XRCC6: variants seen among roughly 807,000 people sequenced by gnomAD.
XRCC6 encodes the protein X-ray repair cross complementing 6, also known as DNA repair protein Ku70.
XRCC6 carries 5 observed loss-of-function variants against 65.7 expected under a neutral mutation model. The ratio of observed to expected loss-of-function variants is 0.08; its 90% CI spans 0.04 to 0.16. The LOEUF is 0.16. XRCC6 is among the 10% of genes least tolerant of loss of function. The pLI is 1.00. For synonymous variants in XRCC6, 270 were observed against 270.6 expected (o/e 1.00, Z 0.02); for missense variants, 447 against 738.1 (o/e 0.61, Z 4.57).
intron 11 of XRCC6, 131 bp downstream of exon 11, chr22:41,658,483 T>A (rs2147115951): frequency 1.2e-6 from 1 of 846,736 alleles, no homozygotes; most frequent in Non-Finnish European, 1.9e-6. Context: ...CCCCTCTGTT[T>A]GGAAGCTTTT....
intron 2 of XRCC6, among the ~76,000 whole-genome samples, chr22:41,624,127 G>A (rs550905858): frequency 6.6e-6 from 1 of 151,918 alleles, no homozygotes; most frequent in Non-Finnish European, 1.5e-5. Context: ...GCTCACGCCT[G>A]TAATCCCAAC....
rs386395480 is a variant in XRCC6 at position 41,639,329 on chromosome 22, C to CTTTTTTTTTTTTTTTTT, written c.773+1547_773+1563dup. Among the ~76,000 whole-genome samples, 24 of 64,584 alleles carry CTTTTTTTTTTTTTTTTT rather than the reference C, an allele frequency of 3.7e-4. 6 individuals are homozygous for CTTTTTTTTTTTTTTTTT. The highest frequency in any genetic ancestry group is 7.7e-4 in the Admixed American group (3 of 3,890). The allele number at this position is 64,584 out of a possible 152,430, so 42.4% of individuals were successfully genotyped here. A position where few individuals can be genotyped will look rare whatever the true frequency, so the allele number is the denominator to read the frequency against. ...GGAACCAGATTGCTAGATTCTTTTT[C>CTTTTTTTTTTTTTTTTT]TTTTTTTTTTTTTTTTTTTTTTTTT... On this transcript the variant is annotated intron_variant, in intron 6 of 12. Coordinates refer to ENST00000360079, the MANE Select transcript of XRCC6 (RefSeq NM_001469.5).
chr22:41,646,874 C>CT (rs1310635953), intron 6 of XRCC6, 22 bp from the exon 7 acceptor site: 1 of 1,568,996 alleles, frequency 6.4e-7, no homozygotes, highest in African/African-American at 1.4e-5. Flanking sequence ...AGTTCATGCT[C>CT]TTTCATTTTT....
chr22:41,656,355 T>C (rs2068044883), intron 9 of XRCC6, among the ~76,000 whole-genome samples: 1 of 151,898 alleles, frequency 6.6e-6, no homozygotes, highest in Admixed American at 6.6e-5. Flanking sequence ...ACCCCATCTT[T>C]ACCGAAAGTA....
intron 12 of XRCC6, among the ~76,000 whole-genome samples, chr22:41,662,161 CAG>C (rs28741132): frequency 7.2e-5 from 11 of 152,054 alleles, no homozygotes; most frequent in African/African-American, 2.4e-4. Flanking sequence ...GATAATACAA[CAG>C]AGTGACTATA....
At chr22:41,651,077 G>A (rs766427835) in intron 8 of XRCC6, among the ~76,000 whole-genome samples, 186 bp downstream of exon 8, 4 of 152,120 alleles carry the variant, frequency 2.6e-5, no homozygotes, top group African/African-American at 9.7e-5. Flanking sequence ...AGGCTGAGGC[G>A]GATGGGTCAC....
intron 9 of XRCC6, 72 bp downstream of exon 9, chr22:41,653,762 G>T (rs1601553451): frequency 6.6e-7 from 1 of 1,526,080 alleles, no homozygotes; most frequent in East Asian, 2.3e-5. Context: ...GACTCCTAAT[G>T]CAGACCTACT....
chr22:41,638,200 A>G (rs1483852881), intron 6 of XRCC6, among the ~76,000 whole-genome samples: 1 of 152,134 alleles, frequency 6.6e-6, no homozygotes, highest in Non-Finnish European at 1.5e-5. Context: ...GGGGGTAGAC[A>G]GTTATGGTCT....
rs941845483 is a variant in XRCC6 at position 41,622,218 on chromosome 22, C to T, written c.82+132C>T. On this transcript the variant is annotated intron_variant, in intron 2 of 12. Transcript: ENST00000360079. ...CAGATAATTCTGAAATTCTTTTCTT[C>T]CTTTGAACTTCGCAGAGCTACCCTA... 3.0e-6 allele frequency: 3 copies of T among 1,007,924 alleles called. No individual in the cohort carries two copies. The African/African-American group carries it at 4.9e-5, about 16-fold the overall frequency. 62.4% of individuals were successfully genotyped at this position (1,007,924 alleles called of 1,614,324 possible). A position where few individuals can be genotyped will look rare whatever the true frequency, so the allele number is the denominator to read the frequency against.
intron 12 of XRCC6, among the ~76,000 whole-genome samples, chr22:41,662,315 C>T (rs919138168): frequency 6.6e-6 from 1 of 152,038 alleles, no homozygotes; most frequent in Non-Finnish European, 1.5e-5. Flanking sequence ...ATCAAAATAC[C>T]TCAGGTACCC....
chr22:41,628,822 C>T (rs945985657), intron 3 of XRCC6, among the ~76,000 whole-genome samples: 5 of 151,746 alleles, frequency 3.3e-5, no homozygotes, highest in African/African-American at 1.2e-4. Flanking sequence ...AATAATTAGC[C>T]AGGCATGGTG....
At chr22:41,627,440 C>T (rs2067690427) in intron 2 of XRCC6, among the ~76,000 whole-genome samples, 1 of 151,696 alleles carries the variant, frequency 6.6e-6, no homozygotes, top group African/African-American at 2.4e-5. Context: ...GGTAAAACTG[C>T]GTCTCTACTA....
intron 3 of XRCC6, among the ~76,000 whole-genome samples, chr22:41,628,517 C>G (rs974975111): frequency 6.6e-6 from 1 of 152,138 alleles, no homozygotes; most frequent in Non-Finnish European, 1.5e-5. Flanking sequence ...TAGGCTCCTC[C>G]TCTTGCAGAG....
chr22:41,658,463 T>G, intron 11 of XRCC6, 111 bp downstream of exon 11: 1 of 959,512 alleles, frequency 1.0e-6, no homozygotes, highest in Non-Finnish European at 1.6e-6. Context: ...CTTAACCTCA[T>G]TCCCCAGACC....
intron 6 of XRCC6, among the ~76,000 whole-genome samples, chr22:41,642,850 G>A (rs1160432105): frequency 6.6e-6 from 1 of 152,208 alleles, no homozygotes; most frequent in Non-Finnish European, 1.5e-5. Flanking sequence ...AATGGTTGAT[G>A]TTGTTAGTAA....
At chr22:41,656,330 G>A (rs1346572740) in intron 9 of XRCC6, among the ~76,000 whole-genome samples, 1 of 151,754 alleles carries the variant, frequency 6.6e-6, no homozygotes, top group Admixed American at 6.6e-5. Flanking sequence ...AGACCAGCCT[G>A]GCCAACATGG....
intron 2 of XRCC6, among the ~76,000 whole-genome samples, chr22:41,627,379 G>T (rs1365139700): frequency 2.0e-5 from 3 of 152,092 alleles, no homozygotes; most frequent in South Asian, 2.1e-4. Flanking sequence ...GGGAGTCTGA[G>T]GTGGGTGGAT....
intron 7 of XRCC6, among the ~76,000 whole-genome samples, chr22:41,650,058 A>G (rs1043203275): frequency 6.6e-6 from 1 of 151,812 alleles, no homozygotes; most frequent in Non-Finnish European, 1.5e-5. Context: ...TGGTTTAAGC[A>G]TGCTTTGTGT....
At chr22:41,621,780 G>A (rs775676513) in intron 1 of XRCC6, 9 of 528,958 alleles carry the variant, frequency 1.7e-5, no homozygotes, top group Non-Finnish European at 2.7e-5. Context: ...GCCCTGAAAC[G>A]TGAGGGATAG....
Sources: gnomAD v4.1 joint callset for allele counts (sites outside exome capture counted in the v4.1 genomes callset) on GRCh38, gnomAD v4.1.1 for gene constraint, MANE v1.5 for transcripts, NCBI Gene and HGNC (gene_info 2026-07-23, HGNC 2026-07-21) for gene names.